Variants in CHODL observed in about 807,000 individuals in gnomAD.
CHODL encodes the protein chondrolectin, also known as transmembrane protein MT75.
In CHODL, 29 loss-of-function variants were observed where a neutral mutation model predicts 34.5. The ratio of observed to expected loss-of-function variants is 0.84; its 90% CI spans 0.63 to 1.15. The LOEUF (loss-of-function observed/expected upper bound fraction) is 1.15. Ranked by LOEUF, CHODL falls within the 50% of genes most tolerant of loss-of-function variation. The pLI, the probability that CHODL is intolerant of heterozygous loss-of-function variation, is 0.00. For missense variants in CHODL, 332 were observed against 332.5 expected (o/e 1.00, Z 0.01); for synonymous variants, 125 against 116.1 (o/e 1.08, Z -0.49).
At chr21:18,084,412 C>T (rs953303953) in intron 2 of CHODL, among the ~76,000 whole-genome samples, 2 of 152,104 alleles carry the variant, frequency 1.3e-5, no homozygotes, top group African/African-American at 4.8e-5. Context: ...ATGCTAAAAA[C>T]GTCCCTTTTA....
chr21:18,030,341 T>G (rs946836466), intron 2 of CHODL, among the ~76,000 whole-genome samples: 7 of 152,170 alleles, frequency 4.6e-5, no homozygotes, highest in Non-Finnish European at 1.0e-4. Context: ...GACCTGAGGT[T>G]TGTTAACTCA....
intron 2 of CHODL, among the ~76,000 whole-genome samples, chr21:18,189,086 T>G (rs1312191538): frequency 6.6e-6 from 1 of 152,216 alleles, no homozygotes; most frequent in African/African-American, 2.4e-5. Context: ...GTGTGAGGAC[T>G]TTCTCTTTAT....
intron 2 of CHODL, among the ~76,000 whole-genome samples, chr21:18,082,617 G>A (rs1434008552): frequency 1.3e-5 from 2 of 152,146 alleles, no homozygotes; most frequent in Non-Finnish European, 2.9e-5. Context: ...GGTCTCAAAT[G>A]GAGATAAGAA....
At chr21:18,209,360 C>T (rs1223074919) in intron 2 of CHODL, among the ~76,000 whole-genome samples, 1 of 152,144 alleles carries the variant, frequency 6.6e-6, no homozygotes, top group Admixed American at 6.5e-5. Flanking sequence ...ACTCAAGGTT[C>T]AAGGGCTCTT....
chr21:18,235,651 A>G (rs2074021902), intron 2 of CHODL, among the ~76,000 whole-genome samples: 1 of 152,150 alleles, frequency 6.6e-6, no homozygotes, highest in Non-Finnish European at 1.5e-5. Context: ...TCTGTCACAC[A>G]TGCAGCCAAC....
intron 1 of CHODL, among the ~76,000 whole-genome samples, chr21:17,927,661 A>G (rs2063239876): frequency 6.6e-6 from 1 of 152,192 alleles, no homozygotes; most frequent in South Asian, 2.1e-4. Context: ...ATGTGCCACA[A>G]TGACCAAATC....
chr21:18,225,344 G>A (rs1014359408), intron 2 of CHODL, among the ~76,000 whole-genome samples: 5 of 151,944 alleles, frequency 3.3e-5, no homozygotes, highest in Admixed American at 2.0e-4. Flanking sequence ...AAAAGTGTTT[G>A]GTCTTGCATT....
At chr21:18,218,421 G>A (rs1350242989) in intron 2 of CHODL, among the ~76,000 whole-genome samples, 2 of 152,188 alleles carry the variant, frequency 1.3e-5, no homozygotes, top group African/African-American at 4.8e-5. Context: ...TGGCTGGGAT[G>A]TAGGACACCA....
At chr21:18,161,417 G>T (rs760477176) in intron 2 of CHODL, among the ~76,000 whole-genome samples, 15 of 152,076 alleles carry the variant, frequency 9.9e-5, no homozygotes, top group Non-Finnish European at 2.9e-5. Flanking sequence ...TTCCAATTAA[G>T]TTGTAATCAT....
At chr21:17,996,237 G>T (rs1477237077) in intron 1 of CHODL, among the ~76,000 whole-genome samples, 1 of 152,132 alleles carries the variant, frequency 6.6e-6, no homozygotes, top group Non-Finnish European at 1.5e-5. Context: ...GTAAATTGAA[G>T]TTTCAATGTA....
intron 2 of CHODL, among the ~76,000 whole-genome samples, chr21:18,124,100 A>C (rs1260667336): frequency 1.1e-4 from 16 of 152,060 alleles, no homozygotes; most frequent in Middle Eastern, 3.2e-3. Context: ...AAAATACTAC[A>C]AAGTCTGCTT....
intron 1 of CHODL, among the ~76,000 whole-genome samples, chr21:18,008,764 G>C (rs962793495): frequency 1.3e-5 from 2 of 152,058 alleles, no homozygotes; most frequent in Non-Finnish European, 2.9e-5. Context: ...TCCAATTTTT[G>C]TAATGATAGG....
At chr21:18,092,765 A>C (rs2146531851) in intron 2 of CHODL, among the ~76,000 whole-genome samples, 1 of 152,298 alleles carries the variant, frequency 6.6e-6, no homozygotes, top group East Asian at 1.9e-4. Flanking sequence ...TGAAAATACA[A>C]AGTCAGAGGA....
intron 2 of CHODL, among the ~76,000 whole-genome samples, chr21:18,159,044 G>C (rs569956741): frequency 6.6e-6 from 1 of 152,264 alleles, no homozygotes; most frequent in Non-Finnish European, 1.5e-5. Context: ...TAACCAGACA[G>C]TTAATACATT....
chr21:18,180,878 A>G (rs2073373589), intron 2 of CHODL, among the ~76,000 whole-genome samples: 1 of 152,174 alleles, frequency 6.6e-6, no homozygotes, highest in Non-Finnish European at 1.5e-5. Context: ...TTGAACTTCA[A>G]TTTCTCCATG....
chr21:18,074,233 C>T (rs562337014), intron 2 of CHODL, among the ~76,000 whole-genome samples: 34 of 152,104 alleles, frequency 2.2e-4, no homozygotes, highest in Non-Finnish European at 3.8e-4. Context: ...CTGGAAAGAA[C>T]AGGCTATGTG....
intron 2 of CHODL, among the ~76,000 whole-genome samples, chr21:18,060,949 C>G (rs564094825): frequency 6.6e-6 from 1 of 152,092 alleles, no homozygotes; most frequent in Non-Finnish European, 1.5e-5. Context: ...AAGAAATCTC[C>G]GAAGCTCGGT....
chr21:18,212,982 T>C (rs1419584878), intron 2 of CHODL, among the ~76,000 whole-genome samples: 2 of 152,138 alleles, frequency 1.3e-5, no homozygotes, highest in Admixed American at 6.6e-5. Context: ...CAATTGCTTG[T>C]ATTGATTGCA....
chr21:18,140,161 C>T (rs59919957), intron 2 of CHODL, among the ~76,000 whole-genome samples: 1 of 152,060 alleles, frequency 6.6e-6, no homozygotes, highest in African/African-American at 2.4e-5. Flanking sequence ...CCCTGAGCTG[C>T]GAATAAATGG....
Sources: gnomAD v4.1 joint callset for allele counts (sites outside exome capture counted in the v4.1 genomes callset) on GRCh38, gnomAD v4.1.1 for gene constraint, MANE v1.5 for transcripts, NCBI Gene and HGNC (gene_info 2026-07-23, HGNC 2026-07-21) for gene names.